Variants in LUZP2 observed in about 807,000 individuals in gnomAD.
LUZP2 encodes the protein leucine zipper protein 2.
Under a neutral mutation model 51.6 loss-of-function variants are expected in LUZP2, and 52 were observed. That is an observed-to-expected ratio of 1.01 (90% CI 0.81 to 1.27). The LOEUF is 1.27. Ranked by LOEUF, LUZP2 falls within the 50% of genes most tolerant of loss-of-function variation. The pLI is 0.00. For missense variants in LUZP2, 436 were observed against 395.4 expected (o/e 1.10, Z -0.87); for synonymous variants, 154 against 137.3 (o/e 1.12, Z -0.85).
chr11:24,533,981 C>T (rs1851093137), intron 1 of LUZP2, among the ~76,000 whole-genome samples: 2 of 151,178 alleles, frequency 1.3e-5, no homozygotes, highest in Admixed American at 1.3e-4. Flanking sequence ...TCCTTAGGCT[C>T]CTTTAAAAAT....
chr11:25,030,968 TATTATATATATATAATACAA>T lies in LUZP2; in HGVS notation c.766-19069_766-19050del, dbSNP rs1857653190. ...TATATTATATATATAATACAATATA[TATTATATATATATAATACAA>T]TATATATTATATATATATATATATA... On this transcript the variant is annotated intron_variant, in intron 9 of 11. Coordinates refer to ENST00000336930, the MANE Select transcript of LUZP2 (RefSeq NM_001009909.4). Among the ~76,000 whole-genome samples the T allele has an allele frequency of 2.6e-4, 3 of 11,490 alleles. 1 individual carries two copies. In the East Asian group the frequency reaches 3.4e-3, roughly 13 times the overall value. 7.5% of individuals were successfully genotyped at this position (11,490 alleles called of 152,430 possible). A position where few individuals can be genotyped will look rare whatever the true frequency, so the allele number is the denominator to read the frequency against.
intron 9 of LUZP2, among the ~76,000 whole-genome samples, chr11:25,009,620 C>T (rs375204545): frequency 3.0e-4 from 46 of 151,988 alleles, no homozygotes; most frequent in East Asian, 1.2e-3. Context: ...AGATTTGAGA[C>T]GAATATTATT....
chr11:25,061,348 T>C (rs1858831451), intron 10 of LUZP2, among the ~76,000 whole-genome samples: 1 of 152,210 alleles, frequency 6.6e-6, no homozygotes, highest in Non-Finnish European at 1.5e-5. Flanking sequence ...GTTGGCAGTT[T>C]ATTGCCAGAA....
intron 4 of LUZP2, among the ~76,000 whole-genome samples, chr11:24,759,454 T>TTAAG (rs1859900838): frequency 6.6e-6 from 1 of 152,146 alleles, no homozygotes; most frequent in Admixed American, 6.6e-5. Flanking sequence ...TCTTGAATAT[T>TTAAG]TAAGTATTGC....
rs1337400092 is a variant in LUZP2, at chr11:24,896,640, C to CG, written c.397-9349dup. On this transcript the variant is annotated intron_variant, in intron 5 of 11. Transcript: ENST00000336930. Reference sequence around the variant, plus strand: ...CTGACAGGCGCTGCCCCCTGCTCCCCGGTGCCTGGTCCCATGGACCGCCCA... The same window carrying CG: ...CTGACAGGCGCTGCCCCCTGCTCCCCGGGTGCCTGGTCCCATGGACCGCCCA... Among the ~76,000 whole-genome samples, 8 of 152,326 alleles carry CG rather than the reference C, an allele frequency of 5.3e-5. No homozygotes were observed. In the East Asian group the frequency reaches 1.6e-3, roughly 30 times the overall value.
intron 5 of LUZP2, among the ~76,000 whole-genome samples, chr11:24,819,299 G>T (rs1850286580): frequency 1.3e-5 from 2 of 151,954 alleles, no homozygotes; most frequent in Non-Finnish European, 2.9e-5. Context: ...AATACCTAAG[G>T]GATTTTCATT....
intron 1 of LUZP2, among the ~76,000 whole-genome samples, chr11:24,592,134 T>G (rs1853281220): frequency 6.6e-6 from 1 of 152,206 alleles, no homozygotes. Context: ...CACTGTGAGT[T>G]GTATTGGTTT....
intron 5 of LUZP2, among the ~76,000 whole-genome samples, chr11:24,808,280 C>T (rs1849913210): frequency 6.6e-6 from 1 of 152,078 alleles, no homozygotes; most frequent in Non-Finnish European, 1.5e-5. Flanking sequence ...AGTGTAAATT[C>T]TAATAAAGTT....
At chr11:24,873,620 C>A (rs1852153447) in intron 5 of LUZP2, among the ~76,000 whole-genome samples, 1 of 152,154 alleles carries the variant, frequency 6.6e-6, no homozygotes, top group African/African-American at 2.4e-5. Context: ...AAATAAACAT[C>A]CTCATGGGTC....
chr11:25,018,944 G>A (rs747861904), intron 9 of LUZP2, among the ~76,000 whole-genome samples: 7 of 151,958 alleles, frequency 4.6e-5, no homozygotes, highest in Non-Finnish European at 8.8e-5. Context: ...TTTTAGAACA[G>A]TTTTAGACTC....
intron 1 of LUZP2, among the ~76,000 whole-genome samples, chr11:24,574,943 CAGAA>C (rs1275254047): frequency 6.6e-6 from 1 of 152,016 alleles, no homozygotes; most frequent in African/African-American, 2.4e-5. Context: ...TGAATATAGT[CAGAA>C]AGAAACTGAT....
intron 7 of LUZP2, 102 bp from the exon 8 acceptor site, chr11:24,976,489 C>A: frequency 9.1e-5 from 46 of 502,988 alleles, no homozygotes; most frequent in African/African-American, 5.3e-4. Context: ...TTTTTTTTTT[C>A]TTTTCTCTCT....
intron 1 of LUZP2, among the ~76,000 whole-genome samples, chr11:24,712,830 T>A (rs1176195112): frequency 6.6e-6 from 1 of 152,238 alleles, no homozygotes; most frequent in African/African-American, 2.4e-5. Flanking sequence ...TTTTTATCTA[T>A]GATTAATGCT....
rs1590295873 is a variant in LUZP2 at position 24,651,403 on chromosome 11, C to T, written c.63-77766C>T. On this transcript the variant is annotated intron_variant, in intron 1 of 11. Coordinates refer to ENST00000336930, the MANE Select transcript of LUZP2 (RefSeq NM_001009909.4). ...ATATGGACACAACTACAAATACACA[C>T]ACACAGAAACCAAAACAATACTTAT... Among the ~76,000 whole-genome samples, 3 of 152,122 alleles carry T rather than the reference C, an allele frequency of 2.0e-5. No individual in the cohort carries two copies. In the East Asian group the frequency reaches 5.8e-4, roughly 29 times the overall value.
At chr11:25,077,206 T>C in intron 10 of LUZP2, 123 bp from the exon 11 acceptor site, 1 of 773,336 alleles carries the variant, frequency 1.3e-6, no homozygotes, top group Non-Finnish European at 2.2e-6. Context: ...CTTTTGCCCT[T>C]TCAGTATGGA....
At chr11:24,807,930 G>T (rs1564920004) in intron 5 of LUZP2, among the ~76,000 whole-genome samples, 1 of 152,070 alleles carries the variant, frequency 6.6e-6, no homozygotes. Flanking sequence ...AAGATCAGAA[G>T]AAAATTAAAA....
chr11:24,930,009 G>T (rs191528848), intron 7 of LUZP2, among the ~76,000 whole-genome samples: 1 of 152,234 alleles, frequency 6.6e-6, no homozygotes, highest in East Asian at 1.9e-4. Context: ...TTTCACTGCT[G>T]CTACTTTAAA....
intron 5 of LUZP2, among the ~76,000 whole-genome samples, chr11:24,854,667 G>T (rs1269937548): frequency 7.4e-6 from 1 of 135,658 alleles, no homozygotes; most frequent in African/African-American, 2.8e-5. Flanking sequence ...ACTGGGATAT[G>T]AAAAAAAAAA....
At chr11:24,738,130 A>G (rs1273164988) in intron 3 of LUZP2, 91 bp from the exon 4 acceptor site, 15 of 855,314 alleles carry the variant, frequency 1.8e-5, no homozygotes, top group East Asian at 2.6e-5. Context: ...TCCTAAATGT[A>G]TACAGCAAAG....
Sources: allele counts gnomAD v4.1 joint callset (sites outside exome capture counted in the v4.1 genomes callset), GRCh38; gene constraint gnomAD v4.1.1; transcripts MANE v1.5; gene names NCBI Gene and HGNC (gene_info 2026-07-23, HGNC 2026-07-21).